Variants in NAA16 observed in about 807,000 individuals in gnomAD.
NAA16 encodes N-alpha-acetyltransferase 16, NatA auxiliary subunit.
NAA16 carries 97 observed loss-of-function variants against 110.3 expected under a neutral mutation model. The observed-to-expected ratio is 0.88, with a 90% CI of 0.75 to 1.04. NAA16 has a LOEUF of 1.04. Ranked by LOEUF, NAA16 falls within the 50% of genes least tolerant of loss-of-function variation. The pLI, the probability that NAA16 is intolerant of heterozygous loss-of-function variation, is 0.00. For synonymous variants in NAA16, 372 were observed against 330.6 expected (o/e 1.13, Z -1.36); for missense variants, 1,017 against 1,005.1 (o/e 1.01, Z -0.16).
intron 6 of NAA16, among the ~76,000 whole-genome samples, chr13:41,326,265 G>T (rs1012613747): frequency 4.6e-5 from 7 of 152,050 alleles, no homozygotes; most frequent in Non-Finnish European, 7.4e-5. Context: ...TTTCATTATG[G>T]GCTAATTATG....
chr13:41,357,664 T>C (rs1237318664), intron 10 of NAA16, among the ~76,000 whole-genome samples: 1 of 152,224 alleles, frequency 6.6e-6, no homozygotes, highest in Admixed American at 6.5e-5. Flanking sequence ...GAGAGCTTGA[T>C]ATTTCTTTTC....
rs80065717 is a variant in NAA16 at position 41,374,787 on chromosome 13, C to A, written c.2345C>A (p.Ala782Glu). 30 of 1,612,828 alleles carry A rather than the reference C, an allele frequency of 1.9e-5. No homozygotes were observed. Among genetic ancestry groups the A allele is most frequent in the Non-Finnish European group, 2.5e-5 (30 of 1,179,308 alleles). Residue 782 changes from alanine (A) to glutamate (E), a missense_variant, in exon 19 of 20, where the codon GCA becomes GAA. Transcript: ENST00000379406. ...CTGGACAAGTCAAGGCAGGAGAAAG[C>A]AATTGCTATAGCCACTAGACTAGAT... ...YFLDKSRQEK[A>E]IAIATRLDET... is the part of the protein sequence containing the mutation.
chr13:41,329,316 A>G (rs576359215), intron 7 of NAA16, among the ~76,000 whole-genome samples: 16 of 151,934 alleles, frequency 1.1e-4, no homozygotes, highest in Non-Finnish European at 2.2e-4. Context: ...GCAAAATGTT[A>G]CATATCTTCC....
intron 9 of NAA16, among the ~76,000 whole-genome samples, chr13:41,340,284 T>G (rs988421915): frequency 2.6e-5 from 4 of 152,162 alleles, no homozygotes; most frequent in African/African-American, 4.8e-5. Flanking sequence ...AACCAGCTCT[T>G]GGATTCATTG....
In NAA16 at chr13:41,336,669, A is replaced by G. The variant is rs765091749; in HGVS notation, c.927A>G (p.Leu309=). The G allele has an allele frequency of 6.3e-7, 1 of 1,599,344 alleles. No homozygotes were observed. Among genetic ancestry groups the G allele is most frequent in the South Asian group, 1.1e-5 (1 of 88,282 alleles). ...TTCTAGGTGAAAGATTTAGAGAACT[A>G]ATGGATAAGTTCCTGAGGGTTAACT... ...TLVPGERFRE[L]MDKFLRVNFS... is the part of the protein sequence containing the mutation. Residue 309 remains leucine, a synonymous_variant, in exon 9 of 20, where the codon CTA becomes CTG. Coordinates refer to ENST00000379406, the MANE Select transcript of NAA16 (RefSeq NM_024561.5).
intron 4 of NAA16, among the ~76,000 whole-genome samples, chr13:41,321,852 T>C (rs7982696): frequency 0.074 from 11,236 of 152,176 alleles, 1,370 homozygotes; most frequent in African/African-American, 0.25. Context: ...ACTTTTGCCC[T>C]CTACTGCCAT....
At chr13:41,329,938 C>T (rs1828851276) in intron 7 of NAA16, among the ~76,000 whole-genome samples, 1 of 151,896 alleles carries the variant, frequency 6.6e-6, no homozygotes, top group Admixed American at 6.6e-5. Flanking sequence ...TAACTTATGA[C>T]CTTTCCTTCC....
intron 10 of NAA16, 141 bp from the exon 11 acceptor site, chr13:41,358,163 T>C: frequency 1.4e-6 from 1 of 719,236 alleles, no homozygotes; most frequent in Non-Finnish European, 2.3e-6. Context: ...CATACCTCTT[T>C]CTTTTGAAAT....
In NAA16 at chr13:41,320,776, G is replaced by A. The variant is rs764901018; in HGVS notation, c.354G>A (p.Arg118=). 1 of 1,612,850 alleles carries A rather than the reference G, an allele frequency of 6.2e-7. No homozygotes were observed. The highest frequency in any genetic ancestry group is 1.1e-5 in the South Asian group (1 of 90,760). The change falls in exon 4 of 20, where the codon AGG becomes AGA. Residue 118 remains arginine, a synonymous_variant. Coordinates refer to ENST00000379406, the MANE Select transcript of NAA16 (RefSeq NM_024561.5). ...ATAAAGATAACCTGCAAATTTTGAG[G>A]GATCTCTCACTGTTGCAGATCCAAA... The part of the protein sequence containing the change: ...KLDKDNLQIL[R]DLSLLQIQMR...
rs547353677 is a variant in NAA16, at chr13:41,311,388, T to C, written c.-141T>C. On this transcript the variant is annotated 5_prime_UTR_variant, in exon 1 of 20. Transcript: ENST00000379406. ...CGTGCCGAACAGCCAGGCTGCCCAA[T>C]TGCAACTGTAGACCAATGAACTAAT... 3.9e-6 allele frequency: 3 copies of C among 760,290 alleles called. No homozygotes were observed. The highest frequency in any genetic ancestry group is 6.4e-6 in the Non-Finnish European group (3 of 468,886). 47.1% of individuals were successfully genotyped at this position (760,290 alleles called of 1,614,324 possible).
chr13:41,338,995 C>T (rs9590586), intron 9 of NAA16, among the ~76,000 whole-genome samples: 144,279 of 152,312 alleles, frequency 0.95, 68,406 homozygotes, highest in South Asian at 0.99. Flanking sequence ...TGAAGTATGA[C>T]AAACAGCTAT....
chr13:41,368,961 G>A (rs753701794), intron 14 of NAA16, 129 bp from the exon 15 acceptor site: 1 of 640,572 alleles, frequency 1.6e-6, no homozygotes, highest in Non-Finnish European at 2.6e-6. Context: ...TGGACTTTGT[G>A]GGGGTGGGGG....
At chr13:41,367,875 A>G (rs2043238259) in intron 14 of NAA16, among the ~76,000 whole-genome samples, 1 of 152,132 alleles carries the variant, frequency 6.6e-6, no homozygotes, top group Non-Finnish European at 1.5e-5. Flanking sequence ...GGAACAACTT[A>G]GAATTTTTTT....
chr13:41,312,141 A>G (rs1328802240), intron 1 of NAA16, among the ~76,000 whole-genome samples: 6 of 152,248 alleles, frequency 3.9e-5, no homozygotes, highest in African/African-American at 4.8e-5. Context: ...CCCTTTGGGA[A>G]AAAGTTTGCC....
At chr13:41,358,537 T>G in intron 11 of NAA16, 64 bp downstream of exon 11, 1 of 1,583,892 alleles carries the variant, frequency 6.3e-7, no homozygotes, top group Non-Finnish European at 8.6e-7. Context: ...ATCCTTGGAG[T>G]TTTTTCTTTG....
chr13:41,372,167 GT>G, intron 15 of NAA16, 35 bp from the exon 16 acceptor site: 1 of 1,455,412 alleles, frequency 6.9e-7, no homozygotes, highest in Non-Finnish European at 9.3e-7. Flanking sequence ...TTGTTCTGAT[GT>G]TTTTTAAATA....
At chr13:41,363,102 G>A (rs1467600580) in intron 13 of NAA16, among the ~76,000 whole-genome samples, 1 of 151,384 alleles carries the variant, frequency 6.6e-6, no homozygotes. Flanking sequence ...CTGTATCTCT[G>A]GGGAAAATCC....
intron 8 of NAA16, among the ~76,000 whole-genome samples, chr13:41,333,477 T>C (rs2042295052): frequency 6.6e-6 from 1 of 152,132 alleles, no homozygotes; most frequent in Non-Finnish European, 1.5e-5. Context: ...TCTGTACCTA[T>C]GGATTTGTCT....
At chr13:41,317,442 A>G (rs1006150733) in intron 2 of NAA16, among the ~76,000 whole-genome samples, 2 of 152,016 alleles carry the variant, frequency 1.3e-5, no homozygotes, top group African/African-American at 2.4e-5. Context: ...TAAAGTTTGT[A>G]TTTTCTGGTT....
Sources: allele counts gnomAD v4.1 joint callset (sites outside exome capture counted in the v4.1 genomes callset), GRCh38; gene constraint gnomAD v4.1.1; transcripts MANE v1.5; gene names NCBI Gene and HGNC (gene_info 2026-07-23, HGNC 2026-07-21).